FBXW11: variants seen among roughly 807,000 people sequenced by gnomAD.
The protein encoded by FBXW11 is F-box/WD repeat-containing protein 11.
In FBXW11, 19 loss-of-function variants were observed where a neutral mutation model predicts 77.6. That is an observed-to-expected ratio of 0.24 (90% CI 0.17 to 0.36). The LOEUF is 0.36. Among genes scored for constraint, FBXW11 ranks in the 10% least tolerant of loss-of-function variants. FBXW11 has a pLI of 1.00. For missense variants in FBXW11, 334 were observed against 704.2 expected, an observed-to-expected ratio of 0.47 and a Z score of 5.95; for synonymous variants, 235 against 249.4, an observed-to-expected ratio of 0.94 and a Z score of 0.54.
chr5:171,996,011 T>C (rs1002368213), intron 1 of FBXW11, among the ~76,000 whole-genome samples: 1 of 152,216 alleles, frequency 6.6e-6, no homozygotes, highest in African/African-American at 2.4e-5. Context: ...TGGCAGTTTA[T>C]GCTTACGAGC....
At chr5:171,878,171 T>C in intron 7 of FBXW11, 42 bp from the exon 8 acceptor site, 1 of 1,365,578 alleles carries the variant, frequency 7.3e-7, no homozygotes, top group South Asian at 1.2e-5. Context: ...TTAATTATAC[T>C]ATATTTTGAT....
chr5:171,899,783 T>C, intron 5 of FBXW11, 131 bp downstream of exon 5: 1 of 776,390 alleles, frequency 1.3e-6, no homozygotes, highest in East Asian at 2.5e-5. Context: ...CTTCCAACTT[T>C]TGACCACTCA....
At position 171,891,447 on chromosome 5, in the gene FBXW11, T is replaced by TA. The variant is rs151338544; in HGVS notation, c.852+19dup. The TA allele has an allele frequency of 7.7e-6, 12 of 1,563,782 alleles. No homozygotes were observed. Among genetic ancestry groups the TA allele is most frequent in the Non-Finnish European group, 1.0e-5 (12 of 1,155,760 alleles). On this transcript the variant is annotated intron_variant, in intron 7 of 13. Coordinates refer to ENST00000517395, the MANE Select transcript of FBXW11 (RefSeq NM_001378974.1). ...TAGCCACGATTCTAAAAATAATACA[T>TA]AAAAAATTCAGTCATTCACCTTAAT...
intron 1 of FBXW11, among the ~76,000 whole-genome samples, chr5:171,978,635 C>T (rs1422545858): frequency 6.6e-6 from 1 of 152,150 alleles, no homozygotes; most frequent in Non-Finnish European, 1.5e-5. Flanking sequence ...TTCCATTTGC[C>T]ATGGACAGTA....
At chr5:172,001,071 T>C (rs1477628295) in intron 1 of FBXW11, among the ~76,000 whole-genome samples, 1 of 152,374 alleles carries the variant, frequency 6.6e-6, no homozygotes, top group South Asian at 2.1e-4. Flanking sequence ...ATGGATGTCC[T>C]ATAAACAACA....
rs149491899 is a variant in FBXW11, at chr5:171,949,967, G to A, written c.147+7630C>T. Among the ~76,000 whole-genome samples, 342 of 152,216 alleles carry A rather than the reference G, an allele frequency of 2.2e-3. 2 individuals carry two copies. The highest frequency in any genetic ancestry group is 8.2e-3 in the African/African-American group (340 of 41,542). The stretch of plus-strand genomic sequence containing the variant: ...TGTCTTACCTAAGAAAATAATCACA[G>A]AAGTATACAAAGACTTAATTACAAT... On this transcript the variant is annotated intron_variant, in intron 2 of 13. Transcript: ENST00000517395.
Position 171,972,502 on chromosome 5 carries a change from T to TAAAAAA in FBXW11, c.46-14810_46-14805dup, listed in dbSNP as rs70982360. On this transcript the variant is annotated intron_variant, in intron 1 of 13. Coordinates refer to ENST00000517395, the MANE Select transcript of FBXW11 (RefSeq NM_001378974.1). ...GGCAACAGAGTGAGACTCTGTCTCATAAAAAAAAAAAAAAAAAAAAAAAAA... is the reference window on the plus strand; with the variant it reads ...GGCAACAGAGTGAGACTCTGTCTCATAAAAAAAAAAAAAAAAAAAAAAAAAAAAAAA... Among the ~76,000 whole-genome samples the TAAAAAA allele has an allele frequency of 1.7e-4, 8 of 48,216 alleles. 1 individual carries two copies. In the South Asian group the frequency reaches 4.8e-3, roughly 29 times the overall value. 31.6% of individuals were successfully genotyped at this position (48,216 alleles called of 152,430 possible). A position where few individuals can be genotyped will look rare whatever the true frequency, so the allele number is the denominator to read the frequency against.
chr5:171,907,203 A>C (rs1245566542), intron 4 of FBXW11, among the ~76,000 whole-genome samples: 1 of 152,218 alleles, frequency 6.6e-6, no homozygotes, highest in Admixed American at 6.5e-5. Flanking sequence ...GCCAGAGACC[A>C]CAAACATTTT....
intron 7 of FBXW11, among the ~76,000 whole-genome samples, chr5:171,886,447 A>G (rs1366746421): frequency 1.3e-5 from 2 of 151,956 alleles, no homozygotes; most frequent in African/African-American, 4.8e-5. Flanking sequence ...GGGGAGGGAT[A>G]GCATTAGGAG....
chr5:171,899,789 A>G (rs2113880207), intron 5 of FBXW11, 125 bp downstream of exon 5: 2 of 817,352 alleles, frequency 2.4e-6, no homozygotes, highest in South Asian at 2.1e-5. Context: ...ACTTTTGACC[A>G]CTCATTTTCC....
intron 2 of FBXW11, among the ~76,000 whole-genome samples, chr5:171,930,721 A>G (rs1762126078): frequency 6.8e-6 from 1 of 147,054 alleles, no homozygotes; most frequent in Non-Finnish European, 1.5e-5. Flanking sequence ...AATGATCAAT[A>G]AAAAAAATAA....
chr5:171,924,357 T>C (rs1221972592), intron 2 of FBXW11, among the ~76,000 whole-genome samples: 1 of 152,188 alleles, frequency 6.6e-6, no homozygotes, highest in Non-Finnish European at 1.5e-5. Flanking sequence ...TTCTGGATAA[T>C]GCCTTTTAAT....
chr5:171,940,779 C>T (rs1466536644), intron 2 of FBXW11, among the ~76,000 whole-genome samples: 4 of 151,822 alleles, frequency 2.6e-5, no homozygotes, highest in Non-Finnish European at 4.4e-5. Context: ...TCCCACTACT[C>T]AGGAGGCTGA....
At chr5:171,944,714 A>G (rs1762923448) in intron 2 of FBXW11, among the ~76,000 whole-genome samples, 3 of 152,168 alleles carry the variant, frequency 2.0e-5, no homozygotes, top group Admixed American at 2.0e-4. Flanking sequence ...TTTACAATCA[A>G]AAGAGAACTT....
intron 2 of FBXW11, among the ~76,000 whole-genome samples, chr5:171,939,008 G>C (rs1762613174): frequency 6.6e-6 from 1 of 152,132 alleles, no homozygotes; most frequent in South Asian, 2.1e-4. Context: ...AGCTGAGGCA[G>C]GTGGATCACG....
At chr5:171,909,728 C>G (rs1175239450) in intron 4 of FBXW11, among the ~76,000 whole-genome samples, 1 of 152,026 alleles carries the variant, frequency 6.6e-6, no homozygotes, top group East Asian at 1.9e-4. Context: ...CGTGCATGTA[C>G]ACACCTATGT....
At chr5:171,917,305 A>G (rs766693433) in intron 2 of FBXW11, among the ~76,000 whole-genome samples, 2 of 152,090 alleles carry the variant, frequency 1.3e-5, no homozygotes, top group East Asian at 1.9e-4. Context: ...AACCACCTTA[A>G]TATTTTCTTT....
At chr5:171,955,687 T>C (rs938594227) in intron 2 of FBXW11, among the ~76,000 whole-genome samples, 1 of 152,144 alleles carries the variant, frequency 6.6e-6, no homozygotes, top group Non-Finnish European at 1.5e-5. Flanking sequence ...AGCTGAGTAC[T>C]TAGTTCATTT....
chr5:171,965,492 C>T (rs891984115), intron 1 of FBXW11, among the ~76,000 whole-genome samples: 5 of 149,676 alleles, frequency 3.3e-5, no homozygotes, highest in African/African-American at 1.2e-4. Flanking sequence ...TGCCATTGTA[C>T]TCCAGCCTGG....
Sources: allele counts gnomAD v4.1 joint callset (sites outside exome capture counted in the v4.1 genomes callset), GRCh38; gene constraint gnomAD v4.1.1; transcripts MANE v1.5; gene names NCBI Gene and HGNC (gene_info 2026-07-23, HGNC 2026-07-21).